The following ERG variants were observed in gnomAD, a reference collection of about 807,000 sequenced individuals.
ERG encodes the protein ETS transcription factor ERG.
A neutral mutation model predicts 55.3 loss-of-function variants in ERG; 9 were observed. The observed-to-expected ratio is 0.16, with a 90% CI of 0.10 to 0.28. The LOEUF (loss-of-function observed/expected upper bound fraction) is 0.28, where lower values mean the gene tolerates loss of function less well. ERG is among the 10% of genes least tolerant of loss of function. The probability of loss-of-function intolerance (pLI) is 1.00; values close to 1 mark genes in which losing one functional copy is unlikely to be tolerated. For synonymous variants in ERG, 223 were observed against 237.3 expected (o/e 0.94, Z 0.55); for missense variants, 434 against 631.6 (o/e 0.69, Z 3.35).
intron 1 of ERG, among the ~76,000 whole-genome samples, chr21:38,484,921 AATG>A (rs1252582606): frequency 3.3e-5 from 5 of 152,208 alleles, no homozygotes; most frequent in African/African-American, 9.7e-5. Flanking sequence ...AATAGTTGAT[AATG>A]ATAATAGTTG....
At chr21:38,609,817 G>C (rs1055584455) in intron 1 of ERG, among the ~76,000 whole-genome samples, 1 of 152,194 alleles carries the variant, frequency 6.6e-6, no homozygotes, top group African/African-American at 2.4e-5. Flanking sequence ...GCAAGAAAAG[G>C]ATCAAATGAA....
chr21:38,400,702 C>G, intron 5 of ERG, 57 bp from the exon 6 acceptor site: 8 of 1,352,544 alleles, frequency 5.9e-6, no homozygotes, highest in Non-Finnish European at 7.3e-6. Flanking sequence ...TTGTCGATCT[C>G]AACATCAGCG....
intron 4 of ERG, 65 bp from the exon 5 acceptor site, chr21:38,402,702 A>T (rs2146453914): frequency 1.6e-6 from 1 of 619,648 alleles, no homozygotes; most frequent in African/African-American, 2.3e-5. Flanking sequence ...AAAGAGAATT[A>T]CCTTTCTTAC....
intron 1 of ERG, among the ~76,000 whole-genome samples, chr21:38,614,195 G>A (rs1189499285): frequency 6.6e-6 from 1 of 152,168 alleles, no homozygotes; most frequent in Non-Finnish European, 1.5e-5. Flanking sequence ...TTATATGTAG[G>A]AGAAACAGTT....
intron 1 of ERG, among the ~76,000 whole-genome samples, chr21:38,472,996 C>A (rs751063131): frequency 7.9e-5 from 12 of 152,128 alleles, no homozygotes; most frequent in Admixed American, 2.0e-4. Context: ...GCCTGCAGAC[C>A]CGGCATGAGG....
At chr21:38,635,064 A>G (rs929744533) in intron 1 of ERG, among the ~76,000 whole-genome samples, 3 of 152,224 alleles carry the variant, frequency 2.0e-5, no homozygotes, top group African/African-American at 7.2e-5. Context: ...CCTACATACT[A>G]TATGACTCCA....
At chr21:38,543,753 T>TTTC in intron 2 of ERG, among the ~76,000 whole-genome samples, 1 of 151,418 alleles carries the variant, frequency 6.6e-6, no homozygotes, top group East Asian at 1.9e-4. Context: ...TTTTTTTTTT[T>TTTC]TCAGATGAAG....
intron 1 of ERG, among the ~76,000 whole-genome samples, chr21:38,621,361 A>C (rs1349333987): frequency 2.0e-5 from 3 of 152,130 alleles, no homozygotes; most frequent in Non-Finnish European, 2.9e-5. Context: ...TCTTGCTTTG[A>C]CCAGTAAAAG....
intron 1 of ERG, among the ~76,000 whole-genome samples, chr21:38,610,352 T>C (rs1016882838): frequency 3.3e-5 from 5 of 152,222 alleles, no homozygotes; most frequent in African/African-American, 4.8e-5. Flanking sequence ...TTACTGTTAG[T>C]TCACTGCCAT....
chr21:38,590,631 T>A (rs1209299946), intron 1 of ERG, among the ~76,000 whole-genome samples: 1 of 151,054 alleles, frequency 6.6e-6, no homozygotes, highest in Non-Finnish European at 1.5e-5. Flanking sequence ...CATCTATCCA[T>A]CCATGTATTC....
chr21:38,380,669 A>T lies in ERG; in HGVS notation c.*2734T>A, dbSNP rs1987385274. On this transcript the variant is annotated 3_prime_UTR_variant, in exon 10 of 10. Coordinates refer to ENST00000288319, the MANE Select transcript of ERG (RefSeq NM_182918.4). ...TAATGCCATTTTGAAACAATTTAAG[A>T]ATTATGTATTTGAAGGAACTCAGTA... The T allele has an allele frequency of 9.4e-7, 1 of 1,064,962 alleles. No individual in the cohort carries two copies. The highest frequency in any genetic ancestry group is 1.1e-6 in the Non-Finnish European group (1 of 879,168). 66.0% of individuals were successfully genotyped at this position (1,064,962 alleles called of 1,614,324 possible). A position where few individuals can be genotyped will look rare whatever the true frequency, so the allele number is the denominator to read the frequency against.
chr21:38,660,050 C>G (rs1296181418), intron 1 of ERG, among the ~76,000 whole-genome samples: 1 of 59,118 alleles, frequency 1.7e-5, no homozygotes, highest in African/African-American at 4.5e-5. Flanking sequence ...AGGGACCGCT[C>G]CTGGCGCTGA....
chr21:38,646,097 G>A (rs1002692073), intron 1 of ERG, among the ~76,000 whole-genome samples: 7 of 152,046 alleles, frequency 4.6e-5, no homozygotes, highest in Admixed American at 2.0e-4. Context: ...TAGCCAACAG[G>A]ACGAAACCCT....
chr21:38,631,932 C>T (rs1007501999), intron 1 of ERG, among the ~76,000 whole-genome samples: 3 of 151,984 alleles, frequency 2.0e-5, no homozygotes, highest in African/African-American at 7.3e-5. Context: ...ATCATCACTC[C>T]ATTAACATCA....
chr21:38,406,369 A>C (rs1988774250), intron 3 of ERG, among the ~76,000 whole-genome samples: 1 of 152,190 alleles, frequency 6.6e-6, no homozygotes, highest in African/African-American at 2.4e-5. Flanking sequence ...AGTTCACTGA[A>C]GTTCAGATGA....
chr21:38,506,221 A>G (rs1250787343), intron 2 of ERG, among the ~76,000 whole-genome samples: 1 of 152,184 alleles, frequency 6.6e-6, no homozygotes, highest in African/African-American at 2.4e-5. Context: ...ACCACTTTAC[A>G]ATAATTTTAG....
chr21:38,566,432 G>C (rs2059923515), intron 2 of ERG, among the ~76,000 whole-genome samples: 1 of 152,170 alleles, frequency 6.6e-6, no homozygotes, highest in South Asian at 2.1e-4. Flanking sequence ...CAGAGACAGT[G>C]ATGCCAACCT....
chr21:38,471,227 G>C (rs376692876), intron 1 of ERG: 1 of 152,176 alleles, frequency 6.6e-6, no homozygotes. Context: ...ACCACTTCTT[G>C]GTTCTCAACT....
intron 1 of ERG, among the ~76,000 whole-genome samples, chr21:38,489,550 T>A (rs1433442332): frequency 1.3e-5 from 2 of 152,380 alleles, no homozygotes; most frequent in African/African-American, 4.8e-5. Context: ...GTCCAATAAC[T>A]CATAAAAGTC....
Sources: allele counts gnomAD v4.1 joint callset (sites outside exome capture counted in the v4.1 genomes callset), GRCh38; gene constraint gnomAD v4.1.1; transcripts MANE v1.5; gene names NCBI Gene and HGNC (gene_info 2026-07-23, HGNC 2026-07-21).